Variants in NRXN3 observed in about 807,000 individuals in gnomAD.
NRXN3 encodes neurexin 3, also known as neurexin III.
Under a neutral mutation model 137.6 loss-of-function variants are expected in NRXN3, and 32 were observed. The observed-to-expected ratio is 0.23, with a 90% CI of 0.18 to 0.31. The LOEUF (loss-of-function observed/expected upper bound fraction) is 0.31. Among genes scored for constraint, NRXN3 ranks in the 10% least tolerant of loss-of-function variants. The probability of loss-of-function intolerance (pLI) is 1.00; values close to 1 mark genes in which losing one functional copy is unlikely to be tolerated. For missense variants in NRXN3, 1,574 were observed against 2,062.5 expected (o/e 0.76, Z 4.59); for synonymous variants, 798 against 784.5 (o/e 1.02, Z -0.29).
chr14:79,757,849 A>T lies in NRXN3; in HGVS notation c.4015-47263A>T, dbSNP rs76865175. On this transcript the variant is annotated intron_variant, in intron 19 of 20. Transcript: ENST00000335750. ...TTAGGATCCCGTGGAGAGGCCTATC[A>T]TCCGAGAGACCATCCTATCATCAAA... 5.2e-3 allele frequency among the ~76,000 whole-genome samples: 796 copies of T among 152,334 alleles called. 49 individuals carry two copies. In the East Asian group the frequency reaches 0.13, roughly 25 times the overall value.
chr14:78,224,703 CTT>C (rs1417674074), intron 1 of NRXN3, among the ~76,000 whole-genome samples: 1 of 132,354 alleles, frequency 7.6e-6, no homozygotes, highest in Non-Finnish European at 1.6e-5. Flanking sequence ...GGTTCCAAGT[CTT>C]TGCTATTGTG....
chr14:79,425,001 G>A (rs946971456), intron 15 of NRXN3, among the ~76,000 whole-genome samples: 7 of 152,124 alleles, frequency 4.6e-5, no homozygotes, highest in African/African-American at 1.7e-4. Context: ...AGCTTTCATG[G>A]GAAAATGTAG....
At chr14:78,325,635 A>G (rs12879957) in intron 4 of NRXN3, among the ~76,000 whole-genome samples, 58,223 of 151,738 alleles carry the variant, frequency 0.38, 11,295 homozygotes, top group Middle Eastern at 0.45. Flanking sequence ...AGGGGAAGAA[A>G]CATCCAGAGA....
chr14:79,800,676 G>A lies in NRXN3; in HGVS notation c.4015-4436G>A, dbSNP rs528380520. 3.3e-5 allele frequency among the ~76,000 whole-genome samples: 5 copies of A among 152,228 alleles called. No individual in the cohort carries two copies. In the East Asian group the frequency reaches 9.6e-4, roughly 29 times the overall value. On this transcript the variant is annotated intron_variant, in intron 19 of 20. Coordinates refer to ENST00000335750, the MANE Select transcript of NRXN3 (RefSeq NM_001330195.2). Reference sequence around the variant, plus strand: ...AAACCTGTTTTACAAGCCATGGAAAGCAATCAAAGAAGTGTGCCTTTTCTT... The same window carrying A: ...AAACCTGTTTTACAAGCCATGGAAAACAATCAAAGAAGTGTGCCTTTTCTT...
intron 15 of NRXN3, among the ~76,000 whole-genome samples, chr14:79,212,763 C>A (rs1374073919): frequency 6.6e-6 from 1 of 151,700 alleles, no homozygotes; most frequent in Non-Finnish European, 1.5e-5. Flanking sequence ...CTTTTCATTG[C>A]AGGCCTTCTC....
chr14:78,568,764 A>G (rs1022945423), intron 4 of NRXN3, among the ~76,000 whole-genome samples: 2 of 152,110 alleles, frequency 1.3e-5, no homozygotes, highest in Non-Finnish European at 2.9e-5. Flanking sequence ...AAAGTTCATC[A>G]TGTGGCAAAT....
At chr14:78,653,085 A>G (rs2097759402) in intron 6 of NRXN3, among the ~76,000 whole-genome samples, 1 of 152,206 alleles carries the variant, frequency 6.6e-6, no homozygotes, top group African/African-American at 2.4e-5. Context: ...TAAAGGAGAG[A>G]AAATCCAATT....
At chr14:78,288,022 C>T (rs984225873) in intron 3 of NRXN3, among the ~76,000 whole-genome samples, 1 of 151,938 alleles carries the variant, frequency 6.6e-6, no homozygotes, top group African/African-American at 2.4e-5. Flanking sequence ...CTCTGTTGCC[C>T]AGGCTGGAGT....
At position 78,838,449 on chromosome 14, in the gene NRXN3, T is replaced by A. The variant is rs560418514; in HGVS notation, c.2275+28105T>A. Among the ~76,000 whole-genome samples the A allele has an allele frequency of 1.3e-4, 20 of 152,350 alleles. No individual in the cohort carries two copies. The South Asian group carries it at 4.1e-3, about 32-fold the overall frequency. On this transcript the variant is annotated intron_variant, in intron 10 of 20. Coordinates refer to ENST00000335750, the MANE Select transcript of NRXN3 (RefSeq NM_001330195.2). ...ATGTGTTGAATCATTATGTTAATAA[T>A]AGCTGCCATTTCTGGAGCACTGTGT...
chr14:79,229,461 C>T (rs1047016273), intron 15 of NRXN3, among the ~76,000 whole-genome samples: 1 of 152,192 alleles, frequency 6.6e-6, no homozygotes, highest in South Asian at 2.1e-4. Flanking sequence ...AATCACCACA[C>T]TCCCTGAAGT....
intron 2 of NRXN3, among the ~76,000 whole-genome samples, chr14:78,270,461 T>A (rs2072536255): frequency 6.6e-6 from 1 of 152,200 alleles, no homozygotes; most frequent in African/African-American, 2.4e-5. Context: ...TTCCTGGCAG[T>A]GCCCATCTGC....
rs75556020 is a variant in NRXN3 at position 79,307,637 on chromosome 14, C to T, written c.3263-159584C>T. Among the ~76,000 whole-genome samples, 1,172 of 152,212 alleles carry T rather than the reference C, an allele frequency of 7.7e-3. 24 individuals are homozygous for T. In the South Asian group the frequency reaches 0.081, roughly 10 times the overall value. On this transcript the variant is annotated intron_variant, in intron 15 of 20. Coordinates refer to ENST00000335750, the MANE Select transcript of NRXN3 (RefSeq NM_001330195.2). ...GGCTGGAAGATGTACTTCCAAGTTT[C>T]ACTCACATGCCTGGCAAGTTACTAC...
At chr14:79,614,956 A>G (rs1474911337) in intron 16 of NRXN3, among the ~76,000 whole-genome samples, 2 of 152,212 alleles carry the variant, frequency 1.3e-5, no homozygotes, top group African/African-American at 4.8e-5. Context: ...ATGAGAGTGA[A>G]GTGGAGGTAT....
intron 6 of NRXN3, among the ~76,000 whole-genome samples, chr14:78,659,046 G>C (rs2097810381): frequency 6.6e-6 from 1 of 152,174 alleles, no homozygotes; most frequent in Non-Finnish European, 1.5e-5. Context: ...GTTTGTGACT[G>C]TTTTTGAAGA....
chr14:79,210,261 G>A (rs1390236421), intron 15 of NRXN3, among the ~76,000 whole-genome samples: 2 of 152,122 alleles, frequency 1.3e-5, no homozygotes, highest in East Asian at 3.9e-4. Flanking sequence ...GAGATCAAGT[G>A]CTAAAGATTT....
Position 78,173,709 on chromosome 14 carries a change from C to T in NRXN3, c.-704+3035C>T, listed in dbSNP as rs865883413. On this transcript the variant is annotated intron_variant, in intron 1 of 20. Coordinates refer to ENST00000335750, the MANE Select transcript of NRXN3 (RefSeq NM_001330195.2). ...CGGCTCTTTTTTCCCTTTTTCCTTG[C>T]TTTTTTTTTTTTTTTGCAACACAAC... 8.8e-4 allele frequency among the ~76,000 whole-genome samples: 61 copies of T among 69,332 alleles called. 1 individual carries two copies. The highest frequency in any genetic ancestry group is 0.017 in the Middle Eastern group (1 of 60). The allele number at this position is 69,332 out of a possible 152,430, so 45.5% of individuals were successfully genotyped here.
At chr14:78,672,120 A>G (rs920792822) in intron 6 of NRXN3, among the ~76,000 whole-genome samples, 3 of 152,232 alleles carry the variant, frequency 2.0e-5, no homozygotes, top group African/African-American at 7.2e-5. Flanking sequence ...ACAAAATGCT[A>G]TATCATATAG....
chr14:78,729,617 C>G (rs966105730), intron 8 of NRXN3, among the ~76,000 whole-genome samples: 2 of 152,198 alleles, frequency 1.3e-5, no homozygotes, highest in African/African-American at 4.8e-5. Context: ...CAGCTCAAAA[C>G]TTTTGGCTCA....
At chr14:78,912,498 G>A (rs1271469534) in intron 10 of NRXN3, among the ~76,000 whole-genome samples, 2 of 151,860 alleles carry the variant, frequency 1.3e-5, no homozygotes, top group Non-Finnish European at 1.5e-5. Context: ...GACCTACAAT[G>A]AACTGCTTAG....
Sources: allele counts gnomAD v4.1 joint callset (sites outside exome capture counted in the v4.1 genomes callset), GRCh38; gene constraint gnomAD v4.1.1; transcripts MANE v1.5; gene names NCBI Gene and HGNC (gene_info 2026-07-23, HGNC 2026-07-21).